The following CSMD1 variants were observed in gnomAD, a reference collection of about 807,000 sequenced individuals.
CSMD1 encodes CUB and sushi domain-containing protein 1.
A neutral mutation model predicts 417.5 loss-of-function variants in CSMD1; 213 were observed. The observed-to-expected ratio is 0.51, with a 90% confidence interval of 0.46 to 0.57. The LOEUF is 0.57. Among genes scored for constraint, CSMD1 ranks in the 20% least tolerant of loss-of-function variants. CSMD1 has a pLI of 0.00. For missense variants in CSMD1, 6,923 were observed against 4,529.7 expected (o/e 1.53, Z -15.17); for synonymous variants, 2,862 against 1,736.8 (o/e 1.65, Z -16.11).
chr8:3,675,578 A>G (rs1323598856), intron 7 of CSMD1, among the ~76,000 whole-genome samples: 1 of 152,008 alleles, frequency 6.6e-6, no homozygotes, highest in Non-Finnish European at 1.5e-5. Context: ...TTACATGCAG[A>G]CACGAGGGTT....
chr8:3,323,386 C>G (rs551812500), intron 23 of CSMD1, among the ~76,000 whole-genome samples: 116 of 151,988 alleles, frequency 7.6e-4, no homozygotes, highest in African/African-American at 2.5e-3. Context: ...ATAATCTACC[C>G]TTCCCCATTT....
intron 5 of CSMD1, among the ~76,000 whole-genome samples, chr8:3,852,039 T>C (rs1490211916): frequency 6.6e-6 from 1 of 152,084 alleles, no homozygotes; most frequent in Admixed American, 6.5e-5. Flanking sequence ...TGGACCTGTA[T>C]GAAAAATAAG....
At chr8:4,743,658 G>C (rs926477439) in intron 1 of CSMD1, among the ~76,000 whole-genome samples, 1 of 152,126 alleles carries the variant, frequency 6.6e-6, no homozygotes, top group Non-Finnish European at 1.5e-5. Flanking sequence ...TTAATCATTT[G>C]TGAGTTTAGT....
At chr8:4,385,611 T>A (rs918796830) in intron 3 of CSMD1, among the ~76,000 whole-genome samples, 2 of 152,220 alleles carry the variant, frequency 1.3e-5, no homozygotes, top group Non-Finnish European at 2.9e-5. Flanking sequence ...GCTGATTTAA[T>A]GTATTTATGA....
chr8:4,701,676 C>A (rs906325195), intron 1 of CSMD1, among the ~76,000 whole-genome samples: 4 of 151,894 alleles, frequency 2.6e-5, no homozygotes, highest in East Asian at 1.9e-4. Flanking sequence ...CTCTGTCAAA[C>A]CTTTCTCCTT....
chr8:4,070,185 A>T (rs1356067977), intron 3 of CSMD1, among the ~76,000 whole-genome samples: 2 of 152,128 alleles, frequency 1.3e-5, no homozygotes, highest in Non-Finnish European at 2.9e-5. Context: ...AGGTGCATTT[A>T]CCAAACCTCT....
At chr8:4,646,498 T>A (rs1173111883) in intron 1 of CSMD1, among the ~76,000 whole-genome samples, 1 of 152,154 alleles carries the variant, frequency 6.6e-6, no homozygotes, top group African/African-American at 2.4e-5. Context: ...GTAGTTTAAT[T>A]GGGATACTAT....
chr8:3,517,199 G>T (rs773415294), intron 10 of CSMD1, among the ~76,000 whole-genome samples: 5 of 152,126 alleles, frequency 3.3e-5, no homozygotes, highest in Non-Finnish European at 1.5e-5. Flanking sequence ...GACTCTCTTT[G>T]CATCTCAGAA....
chr8:4,390,811 G>C (rs1026203409), intron 3 of CSMD1, among the ~76,000 whole-genome samples: 2 of 152,088 alleles, frequency 1.3e-5, no homozygotes, highest in Non-Finnish European at 2.9e-5. Context: ...AAAGTGCTGG[G>C]ATTACAGACA....
chr8:4,327,646 C>A (rs538553297), intron 3 of CSMD1, among the ~76,000 whole-genome samples: 23 of 152,112 alleles, frequency 1.5e-4, no homozygotes, highest in Non-Finnish European at 3.2e-4. Flanking sequence ...CAACAAAAAA[C>A]AACAAAAAGC....
intron 5 of CSMD1, among the ~76,000 whole-genome samples, chr8:3,841,949 A>C (rs1046166827): frequency 2.6e-5 from 4 of 152,106 alleles, no homozygotes; most frequent in Admixed American, 2.6e-4. Context: ...AAAGAAAAGG[A>C]AAGTTACTGC....
At chr8:4,910,551 T>A (rs1313490413) in intron 1 of CSMD1, among the ~76,000 whole-genome samples, 1 of 152,156 alleles carries the variant, frequency 6.6e-6, no homozygotes, top group Admixed American at 6.5e-5. Context: ...CTGAAGCTTT[T>A]TTATAGACGC....
Position 2,937,454 on chromosome 8 carries a change from A to AAAAAAC in CSMD1, c.*1130_*1131insGTTTTT, listed in dbSNP as rs1801564256. On this transcript the variant is annotated 3_prime_UTR_variant, in exon 70 of 70. Transcript: ENST00000635120. Reference sequence around the variant, plus strand: ...GTAAAAGACAAAAAAAAAAAAAAACAAAAAAAAAACACTGCAAAAGGGAAG... The same window carrying AAAAAAC: ...GTAAAAGACAAAAAAAAAAAAAAACAAAAAACAAAAAAAAACACTGCAAAAGGGAAG... 2.9e-5 allele frequency: 2 copies of AAAAAAC among 69,740 alleles called. No homozygotes were observed. Among genetic ancestry groups the AAAAAAC allele is most frequent in the Admixed American group, 1.7e-4 (1 of 6,016 alleles). 4.3% of individuals were successfully genotyped at this position (69,740 alleles called of 1,614,324 possible).
intron 3 of CSMD1, among the ~76,000 whole-genome samples, chr8:4,295,100 A>ATAATCTTAAGATTATG (rs1797588188): frequency 6.8e-6 from 1 of 147,396 alleles, no homozygotes; most frequent in Non-Finnish European, 1.5e-5. Context: ...TTACACACAT[A>ATAATCTTAAGATTATG]TAATCTTAAG....
intron 1 of CSMD1, among the ~76,000 whole-genome samples, chr8:4,898,596 A>G (rs1804658793): frequency 6.6e-6 from 1 of 152,166 alleles, no homozygotes; most frequent in Non-Finnish European, 1.5e-5. Flanking sequence ...AGTTCTTTGA[A>G]TGGCTAATAA....
chr8:4,991,425 C>A, intron 1 of CSMD1, among the ~76,000 whole-genome samples: 1 of 152,234 alleles, frequency 6.6e-6, no homozygotes, highest in East Asian at 1.9e-4. Context: ...CCCACAGTAA[C>A]GGGTTCCAGT....
At chr8:4,650,741 A>G (rs1803843347) in intron 1 of CSMD1, among the ~76,000 whole-genome samples, 1 of 151,988 alleles carries the variant, frequency 6.6e-6, no homozygotes, top group South Asian at 2.1e-4. Context: ...AGAGCAGAAA[A>G]TATGTATTTT....
At chr8:4,213,912 AT>A (rs1800474647) in intron 3 of CSMD1, among the ~76,000 whole-genome samples, 1 of 152,210 alleles carries the variant, frequency 6.6e-6, no homozygotes, top group Non-Finnish European at 1.5e-5. Context: ...GAATGGAGGG[AT>A]GACTCATTAA....
At chr8:3,311,017 C>CTTAACAAATGAGGTTACGTCCCAA (rs1805300130) in intron 23 of CSMD1, among the ~76,000 whole-genome samples, 1 of 152,176 alleles carries the variant, frequency 6.6e-6, no homozygotes, top group Non-Finnish European at 1.5e-5. Flanking sequence ...GGCTGCTCAA[C>CTTAACAAATGAGGTTACGTCCCAA]TTAACAAATG....
Sources: gnomAD v4.1 joint callset for allele counts (sites outside exome capture counted in the v4.1 genomes callset) on GRCh38, gnomAD v4.1.1 for gene constraint, MANE v1.5 for transcripts, NCBI Gene and HGNC (gene_info 2026-07-23, HGNC 2026-07-21) for gene names.